The following THRAP3 variants were observed in gnomAD, a reference collection of about 807,000 sequenced individuals.
THRAP3 encodes thyroid hormone receptor-associated protein 3.
In THRAP3, 16 loss-of-function variants were observed where a neutral mutation model predicts 101.0. That is an observed-to-expected ratio of 0.16 (90% CI 0.11 to 0.24). The LOEUF is 0.24. THRAP3 is among the 10% of genes least tolerant of loss of function. The probability of loss-of-function intolerance (pLI) is 1.00; values close to 1 mark genes in which losing one functional copy is unlikely to be tolerated. For missense variants in THRAP3, 989 were observed against 1,202.7 expected (o/e 0.82, Z 2.63); for synonymous variants, 407 against 422.6 (o/e 0.96, Z 0.45).
chr1:36,227,607 A>G (rs1160813173), intron 1 of THRAP3, among the ~76,000 whole-genome samples: 2 of 152,090 alleles, frequency 1.3e-5, no homozygotes, highest in Non-Finnish European at 1.5e-5. Context: ...GGAGGAAGGA[A>G]GGGGTTTCAG....
At chr1:36,289,875 G>A (rs1645843655) in intron 5 of THRAP3, 111 bp downstream of exon 5, 1 of 1,405,760 alleles carries the variant, frequency 7.1e-7, no homozygotes, top group Non-Finnish European at 9.4e-7. Flanking sequence ...TTAAGCTTCA[G>A]TGGTGATACT....
At chr1:36,225,760 A>G (rs985481912) in intron 1 of THRAP3, among the ~76,000 whole-genome samples, 2 of 152,192 alleles carry the variant, frequency 1.3e-5, no homozygotes, top group Admixed American at 1.3e-4. Flanking sequence ...GCCATGAACA[A>G]CTTGTGGAGC....
At chr1:36,243,777 G>C (rs1043885941) in intron 1 of THRAP3, among the ~76,000 whole-genome samples, 3 of 139,232 alleles carry the variant, frequency 2.2e-5, no homozygotes, top group Non-Finnish European at 4.7e-5. Flanking sequence ...GGGGCGGCCG[G>C]GCAGAGGCGC....
rs150851099 is a variant in THRAP3 at position 36,234,162 on chromosome 1, C to T, written c.-135+9657C>T. Reference sequence around the variant, plus strand: ...TAGAGACAGGGTTTCACCATGTTGCCCAGGCTGGTCTCGAACTCCTTCCTC... The same window carrying T: ...TAGAGACAGGGTTTCACCATGTTGCTCAGGCTGGTCTCGAACTCCTTCCTC... On this transcript the variant is annotated intron_variant, in intron 1 of 11. Coordinates refer to ENST00000354618, the MANE Select transcript of THRAP3 (RefSeq NM_005119.4). Among the ~76,000 whole-genome samples, 246 of 152,190 alleles carry T rather than the reference C, an allele frequency of 1.6e-3. 2 individuals carry two copies. The highest frequency in any genetic ancestry group is 5.6e-3 in the African/African-American group (234 of 41,550).
chr1:36,274,724 C>T (rs961960000), intron 2 of THRAP3, among the ~76,000 whole-genome samples: 1 of 149,486 alleles, frequency 6.7e-6, no homozygotes, highest in Admixed American at 6.7e-5. Context: ...CCTCTACCTC[C>T]CGGGTTCAAG....
intron 1 of THRAP3, among the ~76,000 whole-genome samples, chr1:36,236,385 T>G (rs1645088720): frequency 6.6e-6 from 1 of 152,146 alleles, no homozygotes. Context: ...TATAGGACAT[T>G]TCATTCTCAG....
At chr1:36,225,137 CTT>C (rs1411880474) in intron 1 of THRAP3, 6 of 152,206 alleles carry the variant, frequency 3.9e-5, no homozygotes, top group Admixed American at 6.5e-5. Flanking sequence ...ACCTAAGCAA[CTT>C]TTATCAACTG....
At chr1:36,292,900 C>T (rs115581719) in intron 7 of THRAP3, among the ~76,000 whole-genome samples, 191 bp downstream of exon 7, 8 of 152,230 alleles carry the variant, frequency 5.3e-5, no homozygotes, top group Non-Finnish European at 8.8e-5. Flanking sequence ...AACAGTCTCT[C>T]ACATTGGGCC....
intron 4 of THRAP3, 99 bp from the exon 5 acceptor site, chr1:36,288,961 T>C: frequency 7.2e-7 from 1 of 1,388,692 alleles, no homozygotes; most frequent in East Asian, 2.6e-5. Flanking sequence ...ATAAGACATG[T>C]TTTTTTCAGA....
At chr1:36,290,665 C>T (rs1274319766) in intron 5 of THRAP3, among the ~76,000 whole-genome samples, 1 of 152,128 alleles carries the variant, frequency 6.6e-6, no homozygotes, top group African/African-American at 2.4e-5. Context: ...TGGGTTACAC[C>T]ATGTTGGCCA....
intron 7 of THRAP3, among the ~76,000 whole-genome samples, chr1:36,293,592 G>A (rs1248218222): frequency 6.7e-6 from 1 of 148,432 alleles, no homozygotes; most frequent in African/African-American, 2.5e-5. Flanking sequence ...AGCAAAACCA[G>A]GAGAGAACAA....
chr1:36,236,019 T>C (rs1570235455), intron 1 of THRAP3, among the ~76,000 whole-genome samples: 1 of 151,634 alleles, frequency 6.6e-6, no homozygotes, highest in East Asian at 1.9e-4. Flanking sequence ...GAGGCCGAGG[T>C]GGGCAGATTG....
chr1:36,289,018 TAAG>T (rs1300630817), intron 4 of THRAP3, 39 bp from the exon 5 acceptor site: 3 of 1,515,788 alleles, frequency 2.0e-6, no homozygotes, highest in Non-Finnish European at 2.6e-6. Flanking sequence ...AGCATGCTGT[TAAG>T]AAGCCTCTTG....
chr1:36,213,325 C>T, the THRAP3 span, among the ~76,000 whole-genome samples: 1 of 152,084 alleles, frequency 6.6e-6, no homozygotes, highest in Non-Finnish European at 1.5e-5. Flanking sequence ...CCTGGGAGAT[C>T]TTATCATAGC....
In THRAP3 at chr1:36,301,708, G is replaced by A. The variant is rs750376788; in HGVS notation, c.2646+12G>A. The A allele has an allele frequency of 8.7e-6, 14 of 1,608,648 alleles. No individual in the cohort carries two copies. The Admixed American group carries it at 2.2e-4, about 25-fold the overall frequency. ...AGAAGTATTACTTGGTATGTGTCTGGGGATAACCAGGAAGGGTTAGAGGGC... is the reference window on the plus strand; with the variant it reads ...AGAAGTATTACTTGGTATGTGTCTGAGGATAACCAGGAAGGGTTAGAGGGC... On this transcript the variant is annotated intron_variant, in intron 11 of 11. Coordinates refer to ENST00000354618, the MANE Select transcript of THRAP3 (RefSeq NM_005119.4).
chr1:36,244,790 T>A (rs999389214), intron 1 of THRAP3, among the ~76,000 whole-genome samples: 8 of 151,884 alleles, frequency 5.3e-5, no homozygotes, highest in African/African-American at 9.7e-5. Context: ...CAATCTCAGC[T>A]CACTGCAACC....
At chr1:36,300,272 C>T (rs1038853769) in intron 9 of THRAP3, among the ~76,000 whole-genome samples, 1 of 152,156 alleles carries the variant, frequency 6.6e-6, no homozygotes, top group Non-Finnish European at 1.5e-5. Context: ...TATGTGGAGT[C>T]GTGGTATAAT....
At chr1:36,243,949 T>G (rs535040323) in intron 1 of THRAP3, among the ~76,000 whole-genome samples, 1 of 35,378 alleles carries the variant, frequency 2.8e-5, no homozygotes, top group Non-Finnish European at 5.8e-5. Context: ...CCCTCCCGGA[T>G]GGGGCGGCTG....
At chr1:36,215,293 A>G in the THRAP3 span, among the ~76,000 whole-genome samples, 2 of 152,196 alleles carry the variant, frequency 1.3e-5, no homozygotes, top group Non-Finnish European at 2.9e-5. Flanking sequence ...AATCTCCTCA[A>G]TCTGGACTGT....
Sources: gnomAD v4.1 joint callset for allele counts (sites outside exome capture counted in the v4.1 genomes callset) on GRCh38, gnomAD v4.1.1 for gene constraint, MANE v1.5 for transcripts, NCBI Gene and HGNC (gene_info 2026-07-23, HGNC 2026-07-21) for gene names.